The following AKAP6 variants were observed in gnomAD, a reference collection of about 807,000 sequenced individuals.
AKAP6 encodes the protein A-kinase anchor protein 6.
In AKAP6, 58 loss-of-function variants were observed where a neutral mutation model predicts 188.5. That is an observed-to-expected ratio of 0.31 (90% CI 0.25 to 0.38). The LOEUF is 0.38. AKAP6 is among the 10% of genes least tolerant of loss of function. The pLI is 1.00. For synonymous variants in AKAP6, 989 were observed against 998.6 expected, an observed-to-expected ratio of 0.99 and a Z score of 0.18; for missense variants, 2,710 against 2,740.0, an observed-to-expected ratio of 0.99 and a Z score of 0.24.
intron 1 of AKAP6, among the ~76,000 whole-genome samples, chr14:32,342,549 A>T (rs1276947179): frequency 6.6e-6 from 1 of 152,034 alleles, no homozygotes; most frequent in African/African-American, 2.4e-5. Context: ...CATACAACTG[A>T]TATTATTAGA....
intron 1 of AKAP6, among the ~76,000 whole-genome samples, chr14:32,393,179 G>A (rs1324159835): frequency 6.6e-6 from 1 of 152,026 alleles, no homozygotes; most frequent in East Asian, 1.9e-4. Context: ...CCATAACCAA[G>A]TGACCAAAGT....
rs573327090 is a variant in AKAP6, at chr14:32,372,583, G to T, written c.-35+43175G>T. ...GATCACTTTTTTTTTTTTAATTTTT[G>T]GAAGCTAGAGACAAAGTAGAGGAAC... is the stretch of plus-strand genomic sequence containing the variant. On this transcript the variant is annotated intron_variant, in intron 1 of 13. Coordinates refer to ENST00000280979, the MANE Select transcript of AKAP6 (RefSeq NM_004274.5). Among the ~76,000 whole-genome samples the T allele has an allele frequency of 4.5e-4, 65 of 144,728 alleles. 1 individual carries two copies. Among genetic ancestry groups the T allele is most frequent in the African/African-American group, 1.5e-3 (60 of 39,262 alleles). The allele number at this position is 144,728 out of a possible 152,430, so 94.9% of individuals were successfully genotyped here.
chr14:32,794,066 A>G (rs1347743891), intron 12 of AKAP6, among the ~76,000 whole-genome samples: 1 of 152,252 alleles, frequency 6.6e-6, no homozygotes, highest in Non-Finnish European at 1.5e-5. Flanking sequence ...TCAGTGCTGC[A>G]TGGCACTTAC....
At chr14:32,617,816 C>T (rs1472095762) in intron 7 of AKAP6, among the ~76,000 whole-genome samples, 1 of 152,104 alleles carries the variant, frequency 6.6e-6, no homozygotes, top group Non-Finnish European at 1.5e-5. Context: ...TTAGTAGAGA[C>T]AGGGTTTCGC....
intron 10 of AKAP6, chr14:32,734,027 G>GA (rs1477184188): frequency 6.6e-6 from 1 of 151,878 alleles, no homozygotes; most frequent in Admixed American, 6.6e-5. Context: ...ACATTATTTT[G>GA]AAAAAAGAAA....
intron 2 of AKAP6, among the ~76,000 whole-genome samples, chr14:32,487,694 C>A (rs1429996542): frequency 6.6e-6 from 1 of 152,214 alleles, no homozygotes; most frequent in African/African-American, 2.4e-5. Context: ...TACCTTTGGT[C>A]TTTGATGTTA....
At chr14:32,596,265 C>T (rs772827466) in intron 5 of AKAP6, among the ~76,000 whole-genome samples, 1 of 152,162 alleles carries the variant, frequency 6.6e-6, no homozygotes, top group African/African-American at 2.4e-5. Context: ...GACTATCCAA[C>T]TGGGCTATTC....
chr14:32,384,180 G>T (rs1209799173), intron 1 of AKAP6, among the ~76,000 whole-genome samples: 1 of 152,192 alleles, frequency 6.6e-6, no homozygotes, highest in Non-Finnish European at 1.5e-5. Flanking sequence ...GAGGCTATAG[G>T]CCCAAGAGGA....
intron 2 of AKAP6, among the ~76,000 whole-genome samples, chr14:32,470,328 A>T (rs1878702735): frequency 6.6e-6 from 1 of 152,186 alleles, no homozygotes; most frequent in Non-Finnish European, 1.5e-5. Flanking sequence ...CATTTCTTGT[A>T]TCCCACCCTA....
intron 10 of AKAP6, among the ~76,000 whole-genome samples, chr14:32,735,171 AC>A (rs749532746): frequency 1.3e-5 from 2 of 152,290 alleles, no homozygotes; most frequent in Non-Finnish European, 1.5e-5. Flanking sequence ...ATGTCACAAA[AC>A]AAAAAATGGA....
intron 9 of AKAP6, among the ~76,000 whole-genome samples, chr14:32,723,557 T>TGTGTGTGTGTGTGTGTGTGTGTGTGTGTG (rs35237019): frequency 7.1e-6 from 1 of 141,102 alleles, no homozygotes; most frequent in South Asian, 2.3e-4. Flanking sequence ...GCGTATGTGT[T>TGTGTGTGTGTGTGTGTGTGTGTGTGTGTG]TATGTGTGTG....
chr14:32,569,944 C>T (rs952831535), intron 4 of AKAP6, among the ~76,000 whole-genome samples: 1 of 151,850 alleles, frequency 6.6e-6, no homozygotes, highest in Non-Finnish European at 1.5e-5. Flanking sequence ...AGTAGAGAAA[C>T]GTGATGCCCT....
chr14:32,778,775 G>C (rs1867027905), intron 12 of AKAP6, among the ~76,000 whole-genome samples: 1 of 145,414 alleles, frequency 6.9e-6, no homozygotes, highest in Admixed American at 7.1e-5. Context: ...TCAAACTCCT[G>C]GCCTCAAGCA....
chr14:32,782,396 G>T lies in AKAP6; in HGVS notation c.3588+8503G>T, dbSNP rs532109981. Among the ~76,000 whole-genome samples, 35 of 152,178 alleles carry T rather than the reference G, an allele frequency of 2.3e-4. No individual in the cohort carries two copies. In the East Asian group the frequency reaches 6.0e-3, roughly 26 times the overall value. On this transcript the variant is annotated intron_variant, in intron 12 of 13. Transcript: ENST00000280979. The stretch of plus-strand genomic sequence containing the variant: ...ATTTCTATTCAAAATTGTATTGGAA[G>T]TTTTAGCCAGATCCATAAAGCAAGA...
At chr14:32,411,854 T>C (rs758471410) in intron 1 of AKAP6, among the ~76,000 whole-genome samples, 6 of 151,746 alleles carry the variant, frequency 4.0e-5, no homozygotes, top group Non-Finnish European at 5.9e-5. Flanking sequence ...GAGCAGAGGC[T>C]AATGAGAACA....
chr14:32,410,245 A>C lies in AKAP6; in HGVS notation c.-34-23215A>C, dbSNP rs902202953. Among the ~76,000 whole-genome samples, 4 of 152,066 alleles carry C rather than the reference A, an allele frequency of 2.6e-5. No individual in the cohort carries two copies. The East Asian group carries it at 5.8e-4, about 22-fold the overall frequency. ...AATATTTTATAACCTATTCTCTCTG[A>C]AGTCTGCTGTCTGAAGGTTTCCTCT... On this transcript the variant is annotated intron_variant, in intron 1 of 13. Coordinates refer to ENST00000280979, the MANE Select transcript of AKAP6 (RefSeq NM_004274.5).
In AKAP6 at chr14:32,519,821, C is replaced by G. The variant is rs369356485; in HGVS notation, c.325-15733C>G. ...AAGTTAACAAGGATATCCAGGAATTCAACTCAGCTCTGCACCAAGCAGACA... is the reference window on the plus strand; with the variant it reads ...AAGTTAACAAGGATATCCAGGAATTGAACTCAGCTCTGCACCAAGCAGACA... On this transcript the variant is annotated intron_variant, in intron 2 of 13. Transcript: ENST00000280979. Among the ~76,000 whole-genome samples, 9 of 152,180 alleles carry G rather than the reference C, an allele frequency of 5.9e-5. No homozygotes were observed. The East Asian group carries it at 1.2e-3, about 20-fold the overall frequency.
intron 3 of AKAP6, among the ~76,000 whole-genome samples, chr14:32,544,946 A>G (rs1883127407): frequency 6.6e-6 from 1 of 152,192 alleles, no homozygotes; most frequent in Non-Finnish European, 1.5e-5. Flanking sequence ...ATTATTTTTA[A>G]GTTGAAAATT....
At chr14:32,420,962 C>G (rs1889827880) in intron 1 of AKAP6, among the ~76,000 whole-genome samples, 1 of 133,116 alleles carries the variant, frequency 7.5e-6, no homozygotes, top group African/African-American at 2.9e-5. Flanking sequence ...TACCTTTATT[C>G]TACCCTCTCA....
Sources: gnomAD v4.1 joint callset for allele counts (sites outside exome capture counted in the v4.1 genomes callset) on GRCh38, gnomAD v4.1.1 for gene constraint, MANE v1.5 for transcripts, NCBI Gene and HGNC (gene_info 2026-07-23, HGNC 2026-07-21) for gene names.